GRM1: variants seen among roughly 807,000 people sequenced by gnomAD.
GRM1 encodes glutamate metabotropic receptor 1.
In GRM1, 33 loss-of-function variants were observed where a neutral mutation model predicts 90.9. The observed-to-expected ratio is 0.36, with a 90% CI of 0.28 to 0.49. The LOEUF is 0.49. GRM1 is among the 20% of genes least tolerant of loss of function. The pLI is 0.99. For missense variants in GRM1, 1,190 were observed against 1,534.3 expected (o/e 0.78, Z 3.75); for synonymous variants, 700 against 613.2 (o/e 1.14, Z -2.09).
chr6:146,300,143 T>C (rs1244230298), intron 2 of GRM1, among the ~76,000 whole-genome samples: 2 of 152,224 alleles, frequency 1.3e-5, no homozygotes, highest in Non-Finnish European at 2.9e-5. Flanking sequence ...AATTATAATT[T>C]TATTATCAGG....
At chr6:146,044,492 A>G (rs1791248552) in intron 1 of GRM1, among the ~76,000 whole-genome samples, 1 of 151,978 alleles carries the variant, frequency 6.6e-6, no homozygotes, top group Non-Finnish European at 1.5e-5. Context: ...GGGCAACATG[A>G]TGTAACTTGG....
chr6:146,346,691 A>T (rs956149321), intron 3 of GRM1, among the ~76,000 whole-genome samples: 2 of 152,182 alleles, frequency 1.3e-5, no homozygotes, highest in Non-Finnish European at 1.5e-5. Context: ...GACCTGATTA[A>T]TCTTCCTTCA....
chr6:146,245,539 A>T lies in GRM1; in HGVS notation c.951-59072A>T, dbSNP rs572034437. Among the ~76,000 whole-genome samples, 11 of 152,296 alleles carry T rather than the reference A, an allele frequency of 7.2e-5. No individual in the cohort carries two copies. In the East Asian group the frequency reaches 2.1e-3, roughly 29 times the overall value. Reference sequence around the variant, plus strand: ...TTGAAATAGGTGGTTTTAAAAGTCAAGGACAGATGATCAGATTTTATACAG... The same window carrying T: ...TTGAAATAGGTGGTTTTAAAAGTCATGGACAGATGATCAGATTTTATACAG... On this transcript the variant is annotated intron_variant, in intron 2 of 7. Transcript: ENST00000282753.
At chr6:146,106,824 G>A (rs1175291396) in intron 1 of GRM1, among the ~76,000 whole-genome samples, 1 of 152,188 alleles carries the variant, frequency 6.6e-6, no homozygotes, top group East Asian at 1.9e-4. Flanking sequence ...CACTGTAGGT[G>A]CCTTGAAGGC....
At chr6:146,293,177 T>C (rs1224118154) in intron 2 of GRM1, among the ~76,000 whole-genome samples, 1 of 151,962 alleles carries the variant, frequency 6.6e-6, no homozygotes, top group Non-Finnish European at 1.5e-5. Context: ...GTAATGAAAA[T>C]ATTTTAGAAA....
At chr6:146,128,491 A>T (rs981499353) in intron 1 of GRM1, among the ~76,000 whole-genome samples, 2 of 152,136 alleles carry the variant, frequency 1.3e-5, no homozygotes, top group African/African-American at 4.8e-5. Context: ...CACCAATAAT[A>T]TATTTAAGGT....
intron 2 of GRM1, among the ~76,000 whole-genome samples, chr6:146,223,339 T>C (rs1244719794): frequency 6.6e-6 from 1 of 152,132 alleles, no homozygotes; most frequent in Non-Finnish European, 1.5e-5. Context: ...GTCCTGATTT[T>C]ATCCTTCAGA....
chr6:146,372,972 T>G (rs1228692189), intron 5 of GRM1, among the ~76,000 whole-genome samples: 4 of 152,118 alleles, frequency 2.6e-5, no homozygotes, highest in African/African-American at 9.7e-5. Context: ...TATACAAACT[T>G]TAGGATAGTT....
rs577796552 is a variant in GRM1 at position 146,304,796 on chromosome 6, G to A, written c.1136G>A (p.Arg379His). ...TTCTGGCAACATCGGTTCCAGTGCC[G>A]CCTTCCAGGACACCTTCTGGAAAAT... ...PEFWQHRFQC[R>H]LPGHLLENPN... Residue 379 changes from arginine to histidine, a missense_variant, in exon 3 of 8, where the codon CGC becomes CAC. Transcript: ENST00000282753. The A allele has an allele frequency of 6.2e-6, 10 of 1,613,762 alleles. No individual in the cohort carries two copies. Among genetic ancestry groups the A allele is most frequent in the African/African-American group, 1.3e-5 (1 of 74,868 alleles).
intron 2 of GRM1, among the ~76,000 whole-genome samples, chr6:146,292,122 C>G (rs2114887895): frequency 6.6e-6 from 1 of 152,022 alleles, no homozygotes; most frequent in Non-Finnish European, 1.5e-5. Flanking sequence ...ATGCTGGACC[C>G]TTCCCTCACA....
intron 2 of GRM1, among the ~76,000 whole-genome samples, chr6:146,204,078 A>G (rs1245107146): frequency 6.6e-6 from 1 of 152,218 alleles, no homozygotes; most frequent in East Asian, 1.9e-4. Flanking sequence ...ACACTTTCAA[A>G]GAAGTGATAA....
At chr6:146,376,021 T>G (rs1562650053) in intron 5 of GRM1, among the ~76,000 whole-genome samples, 2 of 152,132 alleles carry the variant, frequency 1.3e-5, no homozygotes, top group Non-Finnish European at 2.9e-5. Context: ...CTTGCTTTTC[T>G]TTTTTGTGTG....
At chr6:146,332,977 T>C (rs1442201192) in intron 3 of GRM1, among the ~76,000 whole-genome samples, 1 of 152,164 alleles carries the variant, frequency 6.6e-6, no homozygotes, top group African/African-American at 2.4e-5. Context: ...TTTTCCCCCA[T>C]CCCTGTTACA....
intron 2 of GRM1, among the ~76,000 whole-genome samples, chr6:146,176,036 A>G (rs1778327521): frequency 1.3e-5 from 2 of 152,068 alleles, no homozygotes; most frequent in African/African-American, 4.8e-5. Flanking sequence ...ATAAAATATA[A>G]TCATGATAAG....
intron 1 of GRM1, among the ~76,000 whole-genome samples, chr6:146,066,761 ACAGG>A (rs199929192): frequency 1.5e-3 from 201 of 130,748 alleles, no homozygotes; most frequent in Non-Finnish European, 1.6e-3. Flanking sequence ...TAATAGACAG[ACAGG>A]CAGAGAGAGA....
intron 2 of GRM1, among the ~76,000 whole-genome samples, chr6:146,299,705 C>T (rs1349320129): frequency 1.3e-5 from 2 of 152,138 alleles, no homozygotes; most frequent in Non-Finnish European, 2.9e-5. Flanking sequence ...CATCTGAATA[C>T]TTGTGGGAGA....
chr6:146,192,131 G>A (rs150387237), intron 2 of GRM1, among the ~76,000 whole-genome samples: 8 of 152,058 alleles, frequency 5.3e-5, no homozygotes, highest in East Asian at 3.9e-4. Context: ...AAATGCTAGC[G>A]TTCACTTATT....
chr6:146,148,391 T>C (rs187220389), intron 1 of GRM1, among the ~76,000 whole-genome samples: 5 of 152,274 alleles, frequency 3.3e-5, no homozygotes, highest in Admixed American at 2.6e-4. Flanking sequence ...TGTATTGATA[T>C]ATATTTTTAA....
intron 1 of GRM1, among the ~76,000 whole-genome samples, chr6:146,147,531 C>T (rs1337188047): frequency 6.6e-6 from 1 of 152,202 alleles, no homozygotes; most frequent in Admixed American, 6.5e-5. Context: ...CAAAGTCATA[C>T]TTTAATTTCT....
Sources: allele counts gnomAD v4.1 joint callset (sites outside exome capture counted in the v4.1 genomes callset), GRCh38; gene constraint gnomAD v4.1.1; transcripts MANE v1.5; gene names NCBI Gene and HGNC (gene_info 2026-07-23, HGNC 2026-07-21).